USP34: variants seen among roughly 807,000 people sequenced by gnomAD.
The protein encoded by USP34 is ubiquitin carboxyl-terminal hydrolase 34.
USP34 carries 70 observed loss-of-function variants against 460.3 expected under a neutral mutation model. The ratio of observed to expected loss-of-function variants is 0.15; its 90% confidence interval spans 0.13 to 0.19. The LOEUF (loss-of-function observed/expected upper bound fraction) is 0.19. USP34 is among the 10% of genes least tolerant of loss of function. The pLI is 1.00. For synonymous variants in USP34, 1,647 were observed against 1,405.3 expected (o/e 1.17, Z -3.85); for missense variants, 3,985 against 4,236.2 (o/e 0.94, Z 1.65).
chr2:61,281,020 T>C, intron 38 of USP34, 70 bp downstream of exon 38: 2 of 1,503,224 alleles, frequency 1.3e-6, no homozygotes, highest in South Asian at 2.6e-5. Context: ...TAAGGATATA[T>C]TACAACGGTA....
At chr2:61,370,448 A>G in intron 9 of USP34, 35 bp from the exon 10 acceptor site, 1 of 1,612,994 alleles carries the variant, frequency 6.2e-7, no homozygotes, top group Non-Finnish European at 8.5e-7. Context: ...ATTTTTAAAA[A>G]TATTCTTCTC....
At chr2:61,341,776 T>G (rs2103759569) in intron 16 of USP34, among the ~76,000 whole-genome samples, 1 of 147,642 alleles carries the variant, frequency 6.8e-6, no homozygotes, top group Non-Finnish European at 1.5e-5. Context: ...TTTTTTTTTT[T>G]TTGAGATGCA....
chr2:61,242,750 C>A lies in USP34; in HGVS notation c.6628-931G>T, dbSNP rs574090784. The stretch of plus-strand genomic sequence containing the variant: ...CTGGAGAACTTCAGGTGTGCTGTGA[C>A]AGAAAAAATTTAAAAAGCCAAGGGA... On this transcript the variant is annotated intron_variant, in intron 51 of 79. Transcript: ENST00000398571. Among the ~76,000 whole-genome samples, 351 of 152,088 alleles carry A rather than the reference C, an allele frequency of 2.3e-3. 3 individuals are homozygous for A. Among genetic ancestry groups the A allele is most frequent in the African/African-American group, 7.9e-3 (328 of 41,470 alleles).
chr2:61,194,278 C>T (rs1686729030), intron 75 of USP34: 1 of 985,438 alleles, frequency 1.0e-6, no homozygotes, highest in Non-Finnish European at 1.2e-6. Flanking sequence ...CTAACCTAAT[C>T]TGGTTGGTGT....
intron 75 of USP34, among the ~76,000 whole-genome samples, chr2:61,196,137 G>C (rs1686800518): frequency 7.2e-6 from 1 of 139,248 alleles, no homozygotes; most frequent in African/African-American, 2.7e-5. Context: ...CTGGAGTGCA[G>C]TGGCGCGATC....
chr2:61,301,601 GAT>G (rs1295346792), intron 27 of USP34, 147 bp from the exon 28 acceptor site: 1 of 702,568 alleles, frequency 1.4e-6, no homozygotes, highest in African/African-American at 1.8e-5. Context: ...GTAGATTGAG[GAT>G]AGTTATTTCT....
At position 61,188,133 on chromosome 2, in the gene USP34, A is replaced by G. The variant is rs779243938; in HGVS notation, c.10610T>C (p.Ile3537Thr). 7 of 1,613,594 alleles carry G rather than the reference A, an allele frequency of 4.3e-6. No homozygotes were observed. The highest frequency in any genetic ancestry group is 5.9e-6 in the Non-Finnish European group (7 of 1,179,748). The change falls in exon 80 of 80, where the codon ATA (isoleucine) becomes ACA (threonine). Residue 3537 changes from isoleucine (I) to threonine (T), a missense_variant. By Grantham distance (89) the Ile-to-Thr change is moderately conservative. Transcript: ENST00000398571. Reference sequence around the variant, plus strand: ...AGCAGCTTGGTTTCCTTTGCCAGATATCCTTGTGACGACATGGATTGTAGA... The same window carrying G: ...AGCAGCTTGGTTTCCTTTGCCAGATGTCCTTGTGACGACATGGATTGTAGA... ...IESTIHVVTR[I>T]SGKGNQAAS
chr2:61,381,616 C>A (rs1312156112), intron 6 of USP34, among the ~76,000 whole-genome samples: 2 of 152,182 alleles, frequency 1.3e-5, no homozygotes, highest in Admixed American at 6.5e-5. Flanking sequence ...GGATTACAGG[C>A]ATGAGCCACC....
In USP34 at chr2:61,348,700, T is replaced by TA. The variant is rs1691847255; in HGVS notation, c.1674+55dup. On this transcript the variant is annotated intron_variant, in intron 14 of 79. Transcript: ENST00000398571. ...ATGTATATATACCCAATTCAAATGA[T>TA]AAACACGCCAGAAAGCCAAAAATGC... 3.2e-6 allele frequency: 5 copies of TA among 1,567,108 alleles called. No homozygotes were observed. The South Asian group carries it at 3.5e-5, about 11-fold the overall frequency.
intron 43 of USP34, among the ~76,000 whole-genome samples, chr2:61,262,282 C>G (rs1688913256): frequency 6.6e-6 from 1 of 150,866 alleles, no homozygotes; most frequent in African/African-American, 2.4e-5. Flanking sequence ...ATAGATTGTT[C>G]TATCACCCAG....
chr2:61,371,520 C>T (rs1374264244), intron 8 of USP34, among the ~76,000 whole-genome samples: 1 of 149,730 alleles, frequency 6.7e-6, no homozygotes, highest in Non-Finnish European at 1.5e-5. Flanking sequence ...AGCCATACAA[C>T]GTGTTTGTGT....
chr2:61,283,174 G>C lies in USP34; in HGVS notation c.4969C>G (p.Leu1657Val). 1 of 1,613,232 alleles carries C rather than the reference G, an allele frequency of 6.2e-7. No homozygotes were observed. The highest frequency in any genetic ancestry group is 8.5e-7 in the Non-Finnish European group (1 of 1,179,586). The change falls in exon 37 of 80, where the codon CTA (leucine) becomes GTA (valine). Residue 1657 changes from leucine to valine, a missense_variant. Around this residue, in one of 14 missense-constraint regions of USP34, gnomAD observed 1,114 missense variants for 1,122.5 expected, o/e 0.99. Transcript: ENST00000398571. ...LADSDHLQDW[L>V]KKLTLLIPET... ...GGAATAAGGAGAGTCAATTTCTTTA[G>C]CCAATCTTGTAAATGATCGCTATCA... is the stretch of plus-strand genomic sequence containing the variant.
intron 3 of USP34, among the ~76,000 whole-genome samples, chr2:61,405,304 A>G (rs1372586860): frequency 1.3e-5 from 2 of 152,038 alleles, no homozygotes; most frequent in East Asian, 3.9e-4. Context: ...TGAAACTACT[A>G]ATCACAGATA....
intron 1 of USP34, among the ~76,000 whole-genome samples, chr2:61,440,894 G>A (rs866996422): frequency 1.9e-4 from 29 of 151,860 alleles, no homozygotes; most frequent in Admixed American, 1.2e-3. Context: ...ATGGGAGGCC[G>A]AGACGGGTGG....
chr2:61,272,291 G>A (rs1216747884), intron 41 of USP34, among the ~76,000 whole-genome samples: 3 of 151,640 alleles, frequency 2.0e-5, no homozygotes, highest in African/African-American at 7.3e-5. Flanking sequence ...GGCACCTGTA[G>A]TCCCAGCTAC....
intron 37 of USP34, among the ~76,000 whole-genome samples, chr2:61,281,586 G>A (rs1689536687): frequency 6.6e-6 from 1 of 152,116 alleles, no homozygotes; most frequent in Admixed American, 6.5e-5. Context: ...CAGACTGGGT[G>A]GCAGAACAAG....
chr2:61,226,995 T>C (rs1572850598), intron 62 of USP34, 72 bp downstream of exon 62: 1 of 1,492,022 alleles, frequency 6.7e-7, no homozygotes, highest in Non-Finnish European at 8.9e-7. Flanking sequence ...GTGGAAAAAC[T>C]AGTGGTAAAC....
chr2:61,405,703 C>G lies in USP34; in HGVS notation c.552+5G>C. ...CTTAAAATTCACACCACCTATTTTACATACCTCAATAGTAGGGTGAGTATT... is the reference window on the plus strand; with the variant it reads ...CTTAAAATTCACACCACCTATTTTAGATACCTCAATAGTAGGGTGAGTATT... On this transcript the variant is annotated splice_donor_5th_base_variant and intron_variant, in intron 3 of 79. Coordinates refer to ENST00000398571, the MANE Select transcript of USP34 (RefSeq NM_014709.4). The G allele has an allele frequency of 6.6e-7, 1 of 1,519,466 alleles. No individual in the cohort carries two copies. The highest frequency in any genetic ancestry group is 8.8e-7 in the Non-Finnish European group (1 of 1,137,732). The allele number at this position is 1,519,466 out of a possible 1,614,324, so 94.1% of individuals were successfully genotyped here. A position where few individuals can be genotyped will look rare whatever the true frequency, so the allele number is the denominator to read the frequency against.
chr2:61,399,139 G>A (rs989524546), intron 3 of USP34, among the ~76,000 whole-genome samples: 7 of 151,960 alleles, frequency 4.6e-5, no homozygotes, highest in Non-Finnish European at 1.0e-4. Flanking sequence ...TGGATCACGA[G>A]GTCAGGAGTT....
Sources: gnomAD v4.1 joint callset for allele counts (sites outside exome capture counted in the v4.1 genomes callset) on GRCh38, gnomAD v4.1.1 for gene constraint, gnomAD v4.1.1 regional missense constraint, MANE v1.5 for transcripts, NCBI Gene and HGNC (gene_info 2026-07-23, HGNC 2026-07-21) for gene names.